ANKRD26: variants seen among roughly 807,000 people sequenced by gnomAD.
ANKRD26 encodes ankyrin repeat domain-containing protein 26.
A neutral mutation model predicts 208.7 loss-of-function variants in ANKRD26; 141 were observed. The ratio of observed to expected loss-of-function variants is 0.68; its 90% CI spans 0.59 to 0.78. ANKRD26 has a LOEUF of 0.78. ANKRD26 is among the 30% of genes least tolerant of loss of function. The probability of loss-of-function intolerance (pLI) is 0.00; values close to 1 mark genes in which losing one functional copy is unlikely to be tolerated. For missense variants in ANKRD26, 1,889 were observed against 1,938.7 expected, an observed-to-expected ratio of 0.97 and a Z score of 0.48; for synonymous variants, 636 against 660.4, an observed-to-expected ratio of 0.96 and a Z score of 0.57.
chr10:27,038,179 C>A, intron 21 of ANKRD26, 125 bp from the exon 22 acceptor site: 1 of 807,944 alleles, frequency 1.2e-6, no homozygotes, highest in Non-Finnish European at 1.9e-6. Context: ...GAATATTTTT[C>A]CTTTCTAGTT....
At chr10:27,074,028 T>C (rs928180589) in intron 9 of ANKRD26, among the ~76,000 whole-genome samples, 3 of 151,396 alleles carry the variant, frequency 2.0e-5, no homozygotes, top group African/African-American at 7.3e-5. Context: ...AAAAACCCAG[T>C]CAAATCAAAA....
chr10:26,950,142 T>C, the ANKRD26 span, among the ~76,000 whole-genome samples: 35 of 152,338 alleles, frequency 2.3e-4, no homozygotes, highest in African/African-American at 8.2e-4. Context: ...CATGTGTGGA[T>C]GCAGGGACTT....
downstream of ANKRD26, among the ~76,000 whole-genome samples, chr10:26,972,598 T>C (rs2052166167): frequency 6.7e-6 from 1 of 149,078 alleles, no homozygotes; most frequent in Non-Finnish European, 1.5e-5. Context: ...CTTTTTTTTT[T>C]TTTTTTTTTG....
downstream of ANKRD26, among the ~76,000 whole-genome samples, chr10:26,991,437 T>A (rs1281060033): frequency 6.6e-6 from 1 of 151,216 alleles, no homozygotes; most frequent in East Asian, 1.9e-4. Context: ...TGAAGGAAGG[T>A]AATTTTTTTT....
chr10:26,996,931 A>G (rs2052606227), intron 4 of ANKRD26, among the ~76,000 whole-genome samples: 1 of 152,142 alleles, frequency 6.6e-6, no homozygotes, highest in East Asian at 1.9e-4. Context: ...ACACAAGATG[A>G]TATTTTAACA....
chr10:27,014,989 C>A (rs1177679538), intron 30 of ANKRD26, among the ~76,000 whole-genome samples: 2 of 151,858 alleles, frequency 1.3e-5, no homozygotes, highest in Non-Finnish European at 2.9e-5. Flanking sequence ...TGACTGGCAA[C>A]CCAGATGTCT....
intron 5 of ANKRD26, 82 bp from the exon 6 acceptor site, chr10:27,082,915 T>C (rs1228415407): frequency 7.3e-6 from 11 of 1,497,382 alleles, no homozygotes; most frequent in Non-Finnish European, 8.1e-6. Flanking sequence ...TGATAGTTTG[T>C]TACAAAGTAT....
chr10:27,046,352 C>T lies in ANKRD26; in HGVS notation c.1985+1G>A, dbSNP rs1322489565. 2 of 1,598,628 alleles carry T rather than the reference C, an allele frequency of 1.3e-6. No individual in the cohort carries two copies. Among genetic ancestry groups the T allele is most frequent in the Non-Finnish European group, 1.7e-6 (2 of 1,166,376 alleles). ...AAAAATAAAGAAATCATAGATTTTACCTTCCTTCATCCTCATCTATTTCAC... is the reference window on the plus strand; with the variant it reads ...AAAAATAAAGAAATCATAGATTTTATCTTCCTTCATCCTCATCTATTTCAC... On this transcript the variant is annotated splice_donor_variant, in intron 18 of 33. Transcript: ENST00000376087. LOFTEE classifies it high-confidence loss of function.
chr10:26,999,488 G>A (rs145331820), downstream of ANKRD26, among the ~76,000 whole-genome samples: 7 of 152,216 alleles, frequency 4.6e-5, no homozygotes, highest in South Asian at 2.1e-4. Context: ...GAACTGGTTC[G>A]GTCCACCTGT....
At position 27,090,743 on chromosome 10, in the gene ANKRD26, T is replaced by C. The variant is rs1250370234; in HGVS notation, c.638+1663A>G. ...TCCATTTCTTCTCTAGTCTGATATA[T>C]TACAATTGCAGTCAGCTAGGGGTCA... On this transcript the variant is annotated intron_variant, in intron 4 of 33. Coordinates refer to ENST00000376087, the MANE Select transcript of ANKRD26 (RefSeq NM_014915.3). 2.0e-5 allele frequency among the ~76,000 whole-genome samples: 3 copies of C among 152,206 alleles called. No homozygotes were observed. In the East Asian group the frequency reaches 5.8e-4, roughly 29 times the overall value.
the ANKRD26 span, among the ~76,000 whole-genome samples, chr10:26,951,394 T>G: frequency 2.0e-5 from 3 of 152,166 alleles, no homozygotes; most frequent in Non-Finnish European, 4.4e-5. Flanking sequence ...GATCTGTGCC[T>G]CTTTTTTTCC....
chr10:27,014,431 T>C (rs1169317252), intron 31 of ANKRD26, 63 bp downstream of exon 31: 6 of 1,272,666 alleles, frequency 4.7e-6, no homozygotes, highest in African/African-American at 1.5e-5. Flanking sequence ...AACCTAAGAA[T>C]TATGCTTTCA....
intron 24 of ANKRD26, among the ~76,000 whole-genome samples, chr10:27,033,954 TA>T: frequency 6.6e-6 from 1 of 152,276 alleles, no homozygotes; most frequent in South Asian, 2.1e-4. Flanking sequence ...CACCCCTCAT[TA>T]GTGTGAAAAT....
chr10:27,005,543 G>A lies in ANKRD26; in HGVS notation c.*47C>T, dbSNP rs1236400726. 3 of 1,585,914 alleles carry A rather than the reference G, an allele frequency of 1.9e-6. No homozygotes were observed. Among genetic ancestry groups the A allele is most frequent in the African/African-American group, 1.4e-5 (1 of 74,036 alleles). ...TACATGTCATATATTAATATTTAAT[G>A]AGAAACAAAATGTCACATAAACAGC... On this transcript the variant is annotated 3_prime_UTR_variant, in exon 34 of 34. Coordinates refer to ENST00000376087, the MANE Select transcript of ANKRD26 (RefSeq NM_014915.3).
At chr10:26,996,171 A>G (rs1415207370) in intron 4 of ANKRD26, among the ~76,000 whole-genome samples, 1 of 152,212 alleles carries the variant, frequency 6.6e-6, no homozygotes, top group Non-Finnish European at 1.5e-5. Context: ...CCCTCAGCCC[A>G]GGCATGGTGG....
chr10:26,987,077 A>G (rs535001588), downstream of ANKRD26, among the ~76,000 whole-genome samples: 29 of 152,346 alleles, frequency 1.9e-4, no homozygotes, highest in East Asian at 5.6e-3. Context: ...TGGCACATAT[A>G]CACCATGGAA....
intron 25 of ANKRD26, among the ~76,000 whole-genome samples, chr10:27,032,400 C>T (rs1291837052): frequency 1.3e-5 from 2 of 151,884 alleles, no homozygotes; most frequent in Admixed American, 6.6e-5. Context: ...TCTGGGAGGC[C>T]GAGGGGGGTG....
In ANKRD26 at chr10:27,046,433, C is replaced by T. The variant is rs1401094681; in HGVS notation, c.1905G>A (p.Gly635=). 2.5e-6 allele frequency: 4 copies of T among 1,614,002 alleles called. No individual in the cohort carries two copies. The highest frequency in any genetic ancestry group is 3.4e-6 in the Non-Finnish European group (4 of 1,180,016). ...GGCCACCAGTTAGTAAACTGGCCTT[C>T]CCAAACACTGGTGAATTCACAGATT... ...SKESVNSPVF[G]KASLLTGGLL... Residue 635 remains glycine, a synonymous_variant, in exon 18 of 34, where the codon GGG becomes GGA. Coordinates refer to ENST00000376087, the MANE Select transcript of ANKRD26 (RefSeq NM_014915.3).
rs547024750 is a variant in ANKRD26 at position 27,061,032 on chromosome 10, T to C, written c.1462+112A>G. 16 of 841,514 alleles carry C rather than the reference T, an allele frequency of 1.9e-5. No homozygotes were observed. The East Asian group carries it at 3.7e-4, about 19-fold the overall frequency. 52.1% of individuals were successfully genotyped at this position (841,514 alleles called of 1,614,324 possible). A position where few individuals can be genotyped will look rare whatever the true frequency, so the allele number is the denominator to read the frequency against. The stretch of plus-strand genomic sequence containing the variant: ...AGGAAGCACACAGTTATGATGCCAC[T>C]TTACTTGGATATATAACTTATTTCT... On this transcript the variant is annotated intron_variant, in intron 13 of 33. Transcript: ENST00000376087.
Sources: gnomAD v4.1 joint callset for allele counts (sites outside exome capture counted in the v4.1 genomes callset) on GRCh38, gnomAD v4.1.1 for gene constraint, MANE v1.5 for transcripts, NCBI Gene and HGNC (gene_info 2026-07-23, HGNC 2026-07-21) for gene names.